OSBPL3: variants seen among roughly 807,000 people sequenced by gnomAD.
The protein encoded by OSBPL3 is oxysterol-binding protein-related protein 3.
Under a neutral mutation model 120.1 loss-of-function variants are expected in OSBPL3, and 65 were observed. The ratio of observed to expected loss-of-function variants is 0.54; its 90% confidence interval spans 0.44 to 0.67. OSBPL3 has a LOEUF of 0.67. Ranked by LOEUF, OSBPL3 falls within the 30% of genes least tolerant of loss-of-function variation. OSBPL3 has a pLI of 0.00. For missense variants in OSBPL3, 1,004 were observed against 1,082.1 expected (o/e 0.93, Z 1.01); for synonymous variants, 416 against 402.6 (o/e 1.03, Z -0.40).
At chr7:24,948,388 A>T (rs1458417665) in intron 1 of OSBPL3, among the ~76,000 whole-genome samples, 1 of 150,822 alleles carries the variant, frequency 6.6e-6, no homozygotes, top group African/African-American at 2.4e-5. Context: ...GATTTACCTC[A>T]TTTTTTTTTT....
At chr7:24,925,978 T>C (rs1562976648) in intron 1 of OSBPL3, among the ~76,000 whole-genome samples, 1 of 152,242 alleles carries the variant, frequency 6.6e-6, no homozygotes, top group East Asian at 1.9e-4. Context: ...GATCCTTAAA[T>C]AGCTAGAGAT....
In OSBPL3 at chr7:24,959,137, T is replaced by G. The variant is rs1484895861; in HGVS notation, c.-150+20749A>C. On this transcript the variant is annotated intron_variant, in intron 1 of 22. Transcript: ENST00000313367. The surrounding 1 kb of genome is among the most constrained non-coding windows in gnomAD (Gnocchi z 4.3). ...CATAAACTGCTGGAAGAAACGTAAA[T>G]GGGCACAACCATTTTGGAAAACTGT... 6.6e-6 allele frequency among the ~76,000 whole-genome samples: 1 copy of G among 152,136 alleles called. No individual in the cohort carries two copies. Among genetic ancestry groups the G allele is most frequent in the Non-Finnish European group, 1.5e-5 (1 of 67,998 alleles).
In OSBPL3 at chr7:24,900,103, A is replaced by T. The variant is rs1321289808; in HGVS notation, c.-149-7482T>A. On this transcript the variant is annotated intron_variant, in intron 1 of 22. Transcript: ENST00000313367. The surrounding 1 kb of genome is among the most constrained non-coding windows in gnomAD (Gnocchi z 4.5). ...GGGCCCTAAGACTTGCAGCATCATT[A>T]TCACCTGGGACCTTGTTAGGAATGC... Among the ~76,000 whole-genome samples, 1 of 152,216 alleles carries T rather than the reference A, an allele frequency of 6.6e-6. No homozygotes were observed. Among genetic ancestry groups the T allele is most frequent in the Non-Finnish European group, 1.5e-5 (1 of 68,032 alleles).
At chr7:24,977,715 T>G (rs534670871) in intron 1 of OSBPL3, among the ~76,000 whole-genome samples, 1 of 152,098 alleles carries the variant, frequency 6.6e-6, no homozygotes, top group East Asian at 1.9e-4. Context: ...AATTAGCCGG[T>G]CGTGGTGACG....
chr7:24,839,991 C>CAAAAAAAAAAAAAAAAAAAAAA (rs71675250), intron 14 of OSBPL3, among the ~76,000 whole-genome samples: 2 of 53,268 alleles, frequency 3.8e-5, no homozygotes, highest in Admixed American at 2.9e-4. Flanking sequence ...CTCCATCTCA[C>CAAAAAAAAAAAAAAAAAAAAAA]AAAAAAAAAA....
At chr7:24,889,890 C>G (rs189220341) in intron 2 of OSBPL3, among the ~76,000 whole-genome samples, 319 of 152,264 alleles carry the variant, frequency 2.1e-3, no homozygotes, top group African/African-American at 7.4e-3. Flanking sequence ...AGGCGCTGGG[C>G]TATGCTGTCT....
At chr7:24,897,052 G>A in intron 1 of OSBPL3, among the ~76,000 whole-genome samples, 1 of 151,618 alleles carries the variant, frequency 6.6e-6, no homozygotes, top group Non-Finnish European at 1.5e-5. Context: ...AGCATGAGAG[G>A]GAAGGAGGGA....
intron 1 of OSBPL3, among the ~76,000 whole-genome samples, chr7:24,914,401 C>T (rs1210180900): frequency 6.6e-6 from 1 of 152,058 alleles, no homozygotes; most frequent in Non-Finnish European, 1.5e-5. Context: ...GCCAGTGCAA[C>T]TAAGAAACTA....
rs111317545 is a variant in OSBPL3, at chr7:24,966,345, TA to T, written c.-150+13540del. Among the ~76,000 whole-genome samples the T allele has an allele frequency of 0.017, 2,556 of 152,098 alleles. 68 individuals are homozygous for T. Among genetic ancestry groups the T allele is most frequent in the African/African-American group, 0.059 (2,430 of 41,468 alleles). On this transcript the variant is annotated intron_variant, in intron 1 of 22. Transcript: ENST00000313367. This position sits in a 1 kb window ranked among gnomAD's most constrained non-coding sequence, Gnocchi z 4.8. The stretch of plus-strand genomic sequence containing the variant: ...GGTCAGAAAAGGCAGTCATCTAATA[TA>T]AAGATCTATCTACACCTAGCTACAC...
rs537084564 is a variant in OSBPL3 at position 24,851,824 on chromosome 7, T to A, written c.1158+680A>T. On this transcript the variant is annotated intron_variant, in intron 11 of 22. Transcript: ENST00000313367. This position sits in a 1 kb window ranked among gnomAD's most constrained non-coding sequence, Gnocchi z 4.1. ...ACTATTCTGAGGAATTAATTGAAAC[T>A]GATGAAAAAAGGAGAGAGAATGAGT... is the stretch of plus-strand genomic sequence containing the variant. 6.6e-6 allele frequency among the ~76,000 whole-genome samples: 1 copy of A among 151,964 alleles called. No homozygotes were observed. The highest frequency in any genetic ancestry group is 1.9e-4 in the East Asian group (1 of 5,174).
chr7:24,844,377 AT>A lies in OSBPL3; in HGVS notation c.1267-1965del, dbSNP rs59553723. On this transcript the variant is annotated intron_variant, in intron 12 of 22. Transcript: ENST00000313367. The stretch of plus-strand genomic sequence containing the variant: ...AAAATATTATGAGATTTTTTTTGTG[AT>A]TTTTTTTTTTTCTGGCTCATCAGCT... Among the ~76,000 whole-genome samples the A allele has an allele frequency of 3.3e-3, 482 of 147,138 alleles. 2 individuals carry two copies. In the East Asian group the frequency reaches 0.034, roughly 10 times the overall value.
At chr7:24,979,392 G>T (rs1325931231) in intron 1 of OSBPL3, among the ~76,000 whole-genome samples, 4 of 152,182 alleles carry the variant, frequency 2.6e-5, no homozygotes, top group African/African-American at 4.8e-5. Context: ...GGGGAGCTGA[G>T]CAAGCCGGGG....
In OSBPL3 at chr7:24,809,959, T is replaced by G. The variant is rs369685250; in HGVS notation, c.2173-8A>C. On this transcript the variant is annotated splice_region_variant and splice_polypyrimidine_tract_variant and intron_variant, in intron 19 of 22. Transcript: ENST00000313367. Reference sequence around the variant, plus strand: ...AGTGCTCCAGTATTTTGCCTAGGATTCAAATGAGTTGTTGGCTTAGTCCTT... The same window carrying G: ...AGTGCTCCAGTATTTTGCCTAGGATGCAAATGAGTTGTTGGCTTAGTCCTT... 4.0e-5 allele frequency: 64 copies of G among 1,614,028 alleles called. No homozygotes were observed. In the Middle Eastern group the frequency reaches 4.9e-4, roughly 12 times the overall value.
At position 24,805,972 on chromosome 7, in the gene OSBPL3, G is replaced by T. The variant is rs1267190465; in HGVS notation, c.2444+804C>A. ...AAGGGCTTAAGTTTGTTTGTTTTGT[G>T]GGGGTGTGAGTTCTCACTGAGACAC... On this transcript the variant is annotated intron_variant, in intron 21 of 22. Coordinates refer to ENST00000313367, the MANE Select transcript of OSBPL3 (RefSeq NM_015550.4). The surrounding 1 kb of genome is among the most constrained non-coding windows in gnomAD (Gnocchi z 4.0). Among the ~76,000 whole-genome samples, 1 of 152,122 alleles carries T rather than the reference G, an allele frequency of 6.6e-6. No homozygotes were observed. Among genetic ancestry groups the T allele is most frequent in the African/African-American group, 2.4e-5 (1 of 41,438 alleles).
chr7:24,801,910 C>T (rs905607985), intron 22 of OSBPL3, among the ~76,000 whole-genome samples: 8 of 152,062 alleles, frequency 5.3e-5, no homozygotes, highest in African/African-American at 1.9e-4. Context: ...TAATAGGTAC[C>T]CCACTGATGG....
chr7:24,962,136 C>T (rs768866477), intron 1 of OSBPL3, among the ~76,000 whole-genome samples: 3 of 151,782 alleles, frequency 2.0e-5, no homozygotes, highest in Middle Eastern at 6.8e-3. Context: ...AACACCATCT[C>T]TACTAATAAT....
Position 24,831,815 on chromosome 7 carries a change from C to G in OSBPL3, c.1747-910G>C, listed in dbSNP as rs1430759051. 1.3e-5 allele frequency among the ~76,000 whole-genome samples: 2 copies of G among 152,160 alleles called. No individual in the cohort carries two copies. Among genetic ancestry groups the G allele is most frequent in the Non-Finnish European group, 2.9e-5 (2 of 68,030 alleles). Reference sequence around the variant, plus strand: ...CATAAATGCCCACTAGTCACATAACCTTCTGCTAAATTTTTGATGTTGCCT... The same window carrying G: ...CATAAATGCCCACTAGTCACATAACGTTCTGCTAAATTTTTGATGTTGCCT... On this transcript the variant is annotated intron_variant, in intron 15 of 22. Coordinates refer to ENST00000313367, the MANE Select transcript of OSBPL3 (RefSeq NM_015550.4). This position sits in a 1 kb window ranked among gnomAD's most constrained non-coding sequence, Gnocchi z 4.0.
chr7:24,911,174 T>G (rs1377398101), intron 1 of OSBPL3, among the ~76,000 whole-genome samples: 1 of 152,210 alleles, frequency 6.6e-6, no homozygotes, highest in East Asian at 1.9e-4. Context: ...TATACCAAAT[T>G]GAAATGCAAA....
At chr7:24,823,769 G>A (rs1217936531) in intron 16 of OSBPL3, among the ~76,000 whole-genome samples, 1 of 152,134 alleles carries the variant, frequency 6.6e-6, no homozygotes, top group African/African-American at 2.4e-5. Flanking sequence ...GGCGGATGCT[G>A]GCCAACTTGA....
Sources: allele counts gnomAD v4.1 joint callset (sites outside exome capture counted in the v4.1 genomes callset), GRCh38; gene constraint gnomAD v4.1.1; non-coding constraint Gnocchi (gnomAD v3.1); transcripts MANE v1.5; gene names NCBI Gene and HGNC (gene_info 2026-07-23, HGNC 2026-07-21).